The following PCDHA6 variants were observed in gnomAD, a reference collection of about 807,000 sequenced individuals.
PCDHA6 encodes protocadherin alpha-6.
Under a neutral mutation model 60.3 loss-of-function variants are expected in PCDHA6, and 55 were observed. The ratio of observed to expected loss-of-function variants is 0.91; its 90% CI spans 0.73 to 1.14. PCDHA6 has a LOEUF of 1.14. Among genes scored for constraint, PCDHA6 ranks in the 50% most tolerant of loss-of-function variants. The pLI, the probability that PCDHA6 is intolerant of heterozygous loss-of-function variation, is 0.00. For synonymous variants in PCDHA6, 652 were observed against 557.9 expected (o/e 1.17, Z -2.38); for missense variants, 1,327 against 1,256.5 (o/e 1.06, Z -0.85).
At chr5:140,912,178 G>A (rs2153520957) in intron 1 of PCDHA6, among the ~76,000 whole-genome samples, 1 of 152,266 alleles carries the variant, frequency 6.6e-6, no homozygotes, top group South Asian at 2.1e-4. Flanking sequence ...GCTGGCAGCT[G>A]ATTAGATTGT....
intron 2 of PCDHA6, among the ~76,000 whole-genome samples, chr5:140,980,152 C>G (rs1554241475): frequency 6.6e-6 from 1 of 152,040 alleles, no homozygotes; most frequent in African/African-American, 2.4e-5. Context: ...CATGCATATA[C>G]CAGAATATTA....
At chr5:140,838,888 C>G (rs2150293453) in intron 1 of PCDHA6, among the ~76,000 whole-genome samples, 1 of 151,810 alleles carries the variant, frequency 6.6e-6, no homozygotes, top group East Asian at 1.9e-4. Flanking sequence ...GAACTCCAGC[C>G]TAGGTGACAG....
intron 1 of PCDHA6, chr5:140,851,839 C>A (rs1452848183): frequency 2.1e-6 from 2 of 969,740 alleles, no homozygotes; most frequent in East Asian, 1.1e-4. Context: ...TTAAAAATAT[C>A]TTTTTCTCCT....
intron 1 of PCDHA6, among the ~76,000 whole-genome samples, chr5:140,963,504 G>T (rs1044640224): frequency 4.6e-5 from 7 of 152,222 alleles, no homozygotes; most frequent in Admixed American, 1.3e-4. Flanking sequence ...CAAATCTCTT[G>T]AAGGGGTTCT....
At chr5:140,832,585 T>G (rs1306103831) in intron 1 of PCDHA6, among the ~76,000 whole-genome samples, 1 of 152,188 alleles carries the variant, frequency 6.6e-6, no homozygotes, top group Admixed American at 6.5e-5. Flanking sequence ...TCTTAGGAAG[T>G]AGAGAACTAT....
chr5:140,843,630 T>C (rs1554140293), intron 1 of PCDHA6: 3 of 1,595,936 alleles, frequency 1.9e-6, no homozygotes, highest in Non-Finnish European at 2.6e-6. Flanking sequence ...ACGGACCTCA[T>C]GGCCTTCAGC....
chr5:140,953,871 A>G (rs2094944952), intron 1 of PCDHA6, among the ~76,000 whole-genome samples: 1 of 152,146 alleles, frequency 6.6e-6, no homozygotes, highest in African/African-American at 2.4e-5. Context: ...TTTGCTGCAC[A>G]GATCAACCCA....
intron 1 of PCDHA6, among the ~76,000 whole-genome samples, chr5:140,937,163 G>A (rs1169573071): frequency 2.0e-5 from 3 of 150,028 alleles, no homozygotes; most frequent in East Asian, 4.0e-4. Flanking sequence ...TCAGCCTCCC[G>A]AGTAGCTGGG....
chr5:140,951,176 A>G (rs1392502599), intron 1 of PCDHA6, among the ~76,000 whole-genome samples: 1 of 151,676 alleles, frequency 6.6e-6, no homozygotes, highest in Non-Finnish European at 1.5e-5. Context: ...CTTTAAAGTC[A>G]TTGTCCGCTA....
chr5:140,852,214 AT>A lies in PCDHA6; in HGVS notation c.2394+21733del, dbSNP rs1374970785. 2.5e-5 allele frequency: 16 copies of A among 644,870 alleles called. No individual in the cohort carries two copies. The South Asian group carries it at 1.1e-3, about 44-fold the overall frequency. The allele number at this position is 644,870 out of a possible 1,614,324, so 39.9% of individuals were successfully genotyped here. A position where few individuals can be genotyped will look rare whatever the true frequency, so the allele number is the denominator to read the frequency against. On this transcript the variant is annotated intron_variant, in intron 1 of 3. Transcript: ENST00000529310. ...CAGTAACGTTTATTTAAAACAAAAT[AT>A]TTTAATTTTTAAATTTTCCCTTAAA... is the stretch of plus-strand genomic sequence containing the variant.
intron 2 of PCDHA6, chr5:140,982,242 AAAG>A (rs2096973421): frequency 2.9e-6 from 2 of 701,584 alleles, no homozygotes; most frequent in African/African-American, 3.6e-5. Flanking sequence ...GAATTGCCAT[AAAG>A]ATAGAACATG....
At chr5:140,872,114 AG>A (rs1261193633) in intron 1 of PCDHA6, among the ~76,000 whole-genome samples, 1 of 151,936 alleles carries the variant, frequency 6.6e-6, no homozygotes, top group African/African-American at 2.4e-5. Context: ...TCCTAACTTC[AG>A]GCTTGTATCA....
intron 1 of PCDHA6, chr5:140,836,413 A>T (rs2150260051): frequency 6.2e-7 from 1 of 1,613,666 alleles, no homozygotes; most frequent in Non-Finnish European, 8.5e-7. Flanking sequence ...CAGGCACCAA[A>T]GGCGTCGTCG....
intron 1 of PCDHA6, chr5:140,847,350 T>A (rs1554141746): frequency 6.7e-6 from 1 of 149,796 alleles, no homozygotes; most frequent in Non-Finnish European, 1.5e-5. Context: ...TAGGCTGTTA[T>A]CAGTAGAAAT....
Position 140,851,603 on chromosome 5 carries a change from A to C in PCDHA6, c.2394+21118A>C, listed in dbSNP as rs1213150378. 1.6e-5 allele frequency: 15 copies of C among 916,732 alleles called. No individual in the cohort carries two copies. In the African/African-American group the frequency reaches 2.5e-4, roughly 15 times the overall value. The allele number at this position is 916,732 out of a possible 1,614,324, so 56.8% of individuals were successfully genotyped here. On this transcript the variant is annotated intron_variant, in intron 1 of 3. Coordinates refer to ENST00000529310, the MANE Select transcript of PCDHA6 (RefSeq NM_018909.4). ...ACATTTTTTGAAATTCAGTTTACAG[A>C]AATTGGAGAAAATGCTTTTTAAACA...
intron 1 of PCDHA6, among the ~76,000 whole-genome samples, chr5:140,894,788 T>C (rs1217718306): frequency 2.0e-5 from 3 of 152,160 alleles, no homozygotes; most frequent in Admixed American, 1.3e-4. Flanking sequence ...TTATTTGTCC[T>C]CTCCTTTAAA....
In PCDHA6 at chr5:140,841,042, G is replaced by A. The variant is rs1776988027; in HGVS notation, c.2394+10557G>A. 7.4e-6 allele frequency: 3 copies of A among 406,126 alleles called. No individual in the cohort carries two copies. The South Asian group carries it at 1.3e-4, about 18-fold the overall frequency. 25.2% of individuals were successfully genotyped at this position (406,126 alleles called of 1,614,324 possible). On this transcript the variant is annotated intron_variant, in intron 1 of 3. Transcript: ENST00000529310. ...ATGCCTCTGCAATTGATAAAGTTAA[G>A]GATTTACTATTAAATTATGATAAAG...
intron 1 of PCDHA6, chr5:140,857,730 C>T (rs782671299): frequency 6.3e-7 from 1 of 1,597,474 alleles, no homozygotes. Context: ...AACGACAACG[C>T]TCCCGCGCTG....
At chr5:140,966,798 C>T in intron 1 of PCDHA6, 1 of 1,537,636 alleles carries the variant, frequency 6.5e-7, no homozygotes, top group Non-Finnish European at 8.7e-7. Context: ...CCTGCGGCGA[C>T]AGAGCATCCA....
Sources: gnomAD v4.1 joint callset for allele counts (sites outside exome capture counted in the v4.1 genomes callset) on GRCh38, gnomAD v4.1.1 for gene constraint, MANE v1.5 for transcripts, NCBI Gene and HGNC (gene_info 2026-07-23, HGNC 2026-07-21) for gene names.